The following CNNM3 variants were observed in gnomAD, a reference collection of about 807,000 sequenced individuals.
The protein encoded by CNNM3 is metal transporter CNNM3.
A neutral mutation model predicts 57.1 loss-of-function variants in CNNM3; 47 were observed. That is an observed-to-expected ratio of 0.82 (90% CI 0.65 to 1.05). The LOEUF is 1.05. CNNM3 is among the 50% of genes least tolerant of loss of function. The pLI is 0.00. For synonymous variants in CNNM3, 507 were observed against 478.2 expected (o/e 1.06, Z -0.79); for missense variants, 957 against 973.7 (o/e 0.98, Z 0.23).
rs549635554 is a variant in CNNM3 at position 96,834,264 on chromosome 2, G to A, written c.*1648G>A. Among the ~76,000 whole-genome samples, 6 of 152,090 alleles carry A rather than the reference G, an allele frequency of 3.9e-5. No individual in the cohort carries two copies. Among genetic ancestry groups the A allele is most frequent in the Admixed American group, 6.6e-5 (1 of 15,266 alleles). ...GAATCACCTGGCAAATTAAAAATACGTGGACCTGCCACCAGAGCTTGTGAT... is the reference window on the plus strand; with the variant it reads ...GAATCACCTGGCAAATTAAAAATACATGGACCTGCCACCAGAGCTTGTGAT... On this transcript the variant is annotated 3_prime_UTR_variant, in exon 8 of 8. Transcript: ENST00000305510.
At chr2:96,828,307 C>G in intron 5 of CNNM3, 112 bp downstream of exon 5, 5 of 942,704 alleles carry the variant, frequency 5.3e-6, no homozygotes, top group Non-Finnish European at 8.2e-6. Context: ...CACCTGAGCC[C>G]ACCACCCCAC....
chr2:96,817,599 C>G (rs897438113), intron 1 of CNNM3, 97 bp downstream of exon 1: 13 of 1,221,120 alleles, frequency 1.1e-5, no homozygotes, highest in African/African-American at 7.5e-5. Flanking sequence ...AGGGTCCCAC[C>G]CCTGTGGAGA....
intron 2 of CNNM3, among the ~76,000 whole-genome samples, chr2:96,826,280 A>G (rs764185033): frequency 6.6e-6 from 1 of 151,766 alleles, no homozygotes; most frequent in South Asian, 2.1e-4. Flanking sequence ...TGGCGCATTC[A>G]TGGCTTACTG....
intron 1 of CNNM3, among the ~76,000 whole-genome samples, chr2:96,817,918 A>G (rs1404085571): frequency 6.6e-6 from 1 of 152,186 alleles, no homozygotes; most frequent in Non-Finnish European, 1.5e-5. Flanking sequence ...TATCTGGGAT[A>G]TTGTTGTGTG....
chr2:96,829,970 C>T (rs1162957128), intron 7 of CNNM3, among the ~76,000 whole-genome samples: 1 of 152,098 alleles, frequency 6.6e-6, no homozygotes, highest in Non-Finnish European at 1.5e-5. Context: ...TGCTCCACTG[C>T]GAGCAGGAAG....
intron 1 of CNNM3, among the ~76,000 whole-genome samples, chr2:96,822,008 T>TTATTA (rs1421579723): frequency 5.8e-4 from 82 of 142,410 alleles, no homozygotes; most frequent in African/African-American, 1.9e-3. Context: ...TATTATTATT[T>TTATTA]TTTTTTTTTT....
At chr2:96,830,846 TACCC>T (rs1286487054) in intron 7 of CNNM3, among the ~76,000 whole-genome samples, 4 of 152,194 alleles carry the variant, frequency 2.6e-5, no homozygotes, top group Non-Finnish European at 1.5e-5. Flanking sequence ...CTTCTGTGCT[TACCC>T]ACTGTGATGG....
At chr2:96,818,303 T>TTGA (rs2079355690) in intron 1 of CNNM3, among the ~76,000 whole-genome samples, 1 of 152,174 alleles carries the variant, frequency 6.6e-6, no homozygotes. Flanking sequence ...CAAGCTGGTC[T>TTGA]TGAACTCCTG....
chr2:96,829,737 C>T lies in CNNM3; in HGVS notation c.2059+603C>T, dbSNP rs149349765. Among the ~76,000 whole-genome samples, 431 of 152,012 alleles carry T rather than the reference C, an allele frequency of 2.8e-3. 3 individuals are homozygous for T. Among genetic ancestry groups the T allele is most frequent in the Non-Finnish European group, 2.4e-3 (160 of 67,994 alleles). ...AGTAAGTCGGTATTTCTCTCAAGGA[C>T]GTCTTAGAATGGATTGACTTAATCA... On this transcript the variant is annotated intron_variant, in intron 7 of 7. Transcript: ENST00000305510.
At chr2:96,828,474 TG>T in intron 5 of CNNM3, 92 bp from the exon 6 acceptor site, 1 of 1,462,230 alleles carries the variant, frequency 6.8e-7, no homozygotes, top group Non-Finnish European at 9.4e-7. Context: ...ATTGGTGGGG[TG>T]GGTCTTCGAA....
Position 96,828,190 on chromosome 2 carries a change from C to T in CNNM3, c.1781C>T (p.Ser594Phe). ...GGAGTGTCGGCCCTAACTGTGCCAT[C>T]CTCGGGTAAGCCACGGCCCTGCTGA... The part of the protein sequence containing the change: ...YYGVSALTVP[S>F]SVHQSPVSSL... Residue 594 changes from serine to phenylalanine, a missense_variant, in exon 5 of 8, where the codon TCC becomes TTC. This residue lies in a region of CNNM3 where 491 missense variants were observed against 570.6 expected (regional missense o/e 0.86). Transcript: ENST00000305510. 1.2e-6 allele frequency: 2 copies of T among 1,613,726 alleles called. No individual in the cohort carries two copies. The highest frequency in any genetic ancestry group is 8.5e-7 in the Non-Finnish European group (1 of 1,179,696).
At chr2:96,822,061 G>C (rs1218797940) in intron 1 of CNNM3, among the ~76,000 whole-genome samples, 1 of 149,598 alleles carries the variant, frequency 6.7e-6, no homozygotes, top group Non-Finnish European at 1.5e-5. Flanking sequence ...GGAGTGCAGT[G>C]GCACAATCTT....
rs1028270583 is a variant in CNNM3, at chr2:96,834,941, A to G, written c.*2325A>G. On this transcript the variant is annotated 3_prime_UTR_variant, in exon 8 of 8. Coordinates refer to ENST00000305510, the MANE Select transcript of CNNM3 (RefSeq NM_017623.5). Reference sequence around the variant, plus strand: ...CGCACCCTTCATCTAGTTTCCCTCCATGGTTACATCTTATATGGTTGTAAT... The same window carrying G: ...CGCACCCTTCATCTAGTTTCCCTCCGTGGTTACATCTTATATGGTTGTAAT... Among the ~76,000 whole-genome samples the G allele has an allele frequency of 1.3e-5, 2 of 152,162 alleles. No individual in the cohort carries two copies. Among genetic ancestry groups the G allele is most frequent in the African/African-American group, 4.8e-5 (2 of 41,424 alleles).
intron 1 of CNNM3, among the ~76,000 whole-genome samples, chr2:96,817,947 T>C (rs2079350027): frequency 6.6e-6 from 1 of 152,202 alleles, no homozygotes; most frequent in Non-Finnish European, 1.5e-5. Context: ...TAATATCAAA[T>C]TGACTGGACC....
intron 1 of CNNM3, among the ~76,000 whole-genome samples, chr2:96,819,471 G>A (rs545826546): frequency 1.3e-5 from 2 of 152,224 alleles, no homozygotes; most frequent in South Asian, 2.1e-4. Flanking sequence ...CATATGCTGT[G>A]TGCTTGGCGT....
chr2:96,829,341 C>T, intron 7 of CNNM3: 1 of 554,346 alleles, frequency 1.8e-6, no homozygotes, highest in Non-Finnish European at 2.3e-6. Context: ...TGCTCTGTTG[C>T]CCAGGCTGGA....
rs2079322793 is a variant in CNNM3 at position 96,816,638 on chromosome 2, G to A, written c.361G>A (p.Val121Met). 9.0e-7 allele frequency: 1 copy of A among 1,109,548 alleles called. No individual in the cohort carries two copies. Among genetic ancestry groups the A allele is most frequent in the Non-Finnish European group, 1.1e-6 (1 of 911,264 alleles). The allele number at this position is 1,109,548 out of a possible 1,614,324, so 68.7% of individuals were successfully genotyped here. A position where few individuals can be genotyped will look rare whatever the true frequency, so the allele number is the denominator to read the frequency against. The change falls in exon 1 of 8, where the codon GTG (valine) becomes ATG (methionine). Residue 121 changes from valine to methionine, a missense_variant. Physicochemically the swap from Val to Met is conservative, Grantham distance 21 (BLOSUM62 1). Transcript: ENST00000305510. ...RPHSALLAVR[V>M]EPGGGAAEEA... ...GCACTCGGCGCTGCTGGCGGTGCGC[G>A]TGGAGCCGGGTGGCGGGGCGGCTGA...
Position 96,824,908 on chromosome 2 carries a change from TA to T in CNNM3, c.1226-145del, listed in dbSNP as rs1218646745. ...TCATAATCACGCTGGGAGTCTTAAG[TA>T]AAAACCTAGAAAAGAGTGTGGCTCT... On this transcript the variant is annotated intron_variant, in intron 1 of 7. Coordinates refer to ENST00000305510, the MANE Select transcript of CNNM3 (RefSeq NM_017623.5). 2.3e-5 allele frequency: 19 copies of T among 828,430 alleles called. No homozygotes were observed. The East Asian group carries it at 5.1e-4, about 22-fold the overall frequency. The allele number at this position is 828,430 out of a possible 1,614,324, so 51.3% of individuals were successfully genotyped here. A position where few individuals can be genotyped will look rare whatever the true frequency, so the allele number is the denominator to read the frequency against.
chr2:96,820,610 C>G (rs2079391046), intron 1 of CNNM3, among the ~76,000 whole-genome samples: 1 of 152,206 alleles, frequency 6.6e-6, no homozygotes, highest in Non-Finnish European at 1.5e-5. Flanking sequence ...GAAGAGACCA[C>G]TTTCCCAGGG....
Sources: gnomAD v4.1 joint callset for allele counts (sites outside exome capture counted in the v4.1 genomes callset) on GRCh38, gnomAD v4.1.1 for gene constraint, gnomAD v4.1.1 regional missense constraint, MANE v1.5 for transcripts, NCBI Gene and HGNC (gene_info 2026-07-23, HGNC 2026-07-21) for gene names.